EBF1: variants seen among roughly 807,000 people sequenced by gnomAD.
The protein encoded by EBF1 is EBF transcription factor 1.
In EBF1, 10 loss-of-function variants were observed where a neutral mutation model predicts 68.4. The observed-to-expected ratio is 0.15, with a 90% CI of 0.09 to 0.25. The LOEUF (loss-of-function observed/expected upper bound fraction) is 0.25, where lower values mean the gene tolerates loss of function less well. EBF1 is among the 10% of genes least tolerant of loss of function. The pLI is 1.00. For missense variants in EBF1, 509 were observed against 794.4 expected, an observed-to-expected ratio of 0.64 and a Z score of 4.32; for synonymous variants, 298 against 299.8, an observed-to-expected ratio of 0.99 and a Z score of 0.06.
At chr5:158,989,122 C>T (rs1426366765) in intron 6 of EBF1, among the ~76,000 whole-genome samples, 2 of 152,218 alleles carry the variant, frequency 1.3e-5, no homozygotes, top group African/African-American at 4.8e-5. Context: ...TGATACCCAG[C>T]AAATCCTCCC....
At chr5:159,073,542 T>C in intron 5 of EBF1, 78 bp from the exon 6 acceptor site, 1 of 1,504,842 alleles carries the variant, frequency 6.6e-7, no homozygotes, top group Non-Finnish European at 9.2e-7. Context: ...AAGGCTCAAA[T>C]TGCTGGGTTG....
At chr5:158,891,352 A>C (rs1801139915) in intron 6 of EBF1, among the ~76,000 whole-genome samples, 2 of 152,202 alleles carry the variant, frequency 1.3e-5, no homozygotes. Context: ...CTGTAGGAAG[A>C]AGCTCATCCT....
At chr5:158,712,070 A>G (rs1759476046) in intron 14 of EBF1, 84 bp downstream of exon 14, 2 of 1,517,518 alleles carry the variant, frequency 1.3e-6, no homozygotes, top group Non-Finnish European at 1.8e-6. Flanking sequence ...CAGACCGAGA[A>G]GCCCTGCCCA....
intron 11 of EBF1, among the ~76,000 whole-genome samples, chr5:158,726,548 T>C (rs1191968116): frequency 2.0e-5 from 3 of 152,220 alleles, no homozygotes; most frequent in African/African-American, 7.2e-5. Context: ...TATTTTCAGC[T>C]CCATAAAGCA....
At position 159,097,098 on chromosome 5, in the gene EBF1, T is replaced by C. The variant is rs1584600019; in HGVS notation, c.167A>G (p.Lys56Arg). 1 of 1,614,002 alleles carries C rather than the reference T, an allele frequency of 6.2e-7. No individual in the cohort carries two copies. The highest frequency in any genetic ancestry group is 2.2e-5 in the East Asian group (1 of 44,882). Residue 56 changes from lysine to arginine, a missense_variant, in exon 2 of 16, where the codon AAG (lysine) becomes AGG (arginine). Physicochemically the swap from Lys to Arg is conservative, Grantham distance 26 (BLOSUM62 2). Coordinates refer to ENST00000313708, the MANE Select transcript of EBF1 (RefSeq NM_024007.5). Reference protein sequence around the residue: ...GVGLARAHFEKQPPSNLRKSN... With the variant: ...GVGLARAHFERQPPSNLRKSN... ...TTTCCGCAGATTGGAAGGCGGCTGC[T>C]TCTCAAAGTGAGCCCGGGCCAGACC...
At chr5:158,781,082 G>A (rs532254195) in intron 9 of EBF1, among the ~76,000 whole-genome samples, 2 of 152,216 alleles carry the variant, frequency 1.3e-5, no homozygotes, top group East Asian at 1.9e-4. Flanking sequence ...ATCATAAGAC[G>A]TAAGACTTGC....
chr5:158,784,664 T>C (rs1007288852), intron 9 of EBF1, among the ~76,000 whole-genome samples: 2 of 152,102 alleles, frequency 1.3e-5, no homozygotes, highest in African/African-American at 4.8e-5. Flanking sequence ...GACCTAATAT[T>C]TTAACCTTAA....
Position 158,939,890 on chromosome 5 carries a change from C to T in EBF1, c.555-99780G>A, listed in dbSNP as rs1028421476. On this transcript the variant is annotated intron_variant, in intron 6 of 15. Transcript: ENST00000313708. ...GCACAACTACCAAGCTAACAAACAC[C>T]ATGGATTATGAAGTCTGAATATTCC... Among the ~76,000 whole-genome samples the T allele has an allele frequency of 3.9e-5, 6 of 152,278 alleles. No individual in the cohort carries two copies. In the South Asian group the frequency reaches 1.2e-3, roughly 32 times the overall value.
At chr5:159,021,562 G>A (rs1022869683) in intron 6 of EBF1, among the ~76,000 whole-genome samples, 1 of 152,168 alleles carries the variant, frequency 6.6e-6, no homozygotes, top group Non-Finnish European at 1.5e-5. Context: ...AGGCAATCCC[G>A]TGTGTGAGCA....
intron 6 of EBF1, among the ~76,000 whole-genome samples, chr5:159,032,311 G>A (rs1769088556): frequency 6.6e-6 from 1 of 152,122 alleles, no homozygotes; most frequent in African/African-American, 2.4e-5. Flanking sequence ...AATTTTTCCA[G>A]GTACAAGTGG....
intron 6 of EBF1, among the ~76,000 whole-genome samples, chr5:158,905,738 C>T (rs1022129810): frequency 3.9e-5 from 6 of 152,094 alleles, no homozygotes; most frequent in Non-Finnish European, 7.4e-5. Flanking sequence ...TATGCATCAC[C>T]GAAGCTGGGG....
intron 6 of EBF1, among the ~76,000 whole-genome samples, chr5:159,027,937 A>T (rs1214728174): frequency 6.6e-6 from 1 of 152,216 alleles, no homozygotes; most frequent in African/African-American, 2.4e-5. Context: ...TCTCTTCTGG[A>T]AAAATGAACT....
At chr5:158,940,849 T>C (rs1194177764) in intron 6 of EBF1, among the ~76,000 whole-genome samples, 1 of 142,226 alleles carries the variant, frequency 7.0e-6, no homozygotes, top group Non-Finnish European at 1.5e-5. Flanking sequence ...TGGTGGACTA[T>C]CTCTGGAATA....
At chr5:158,994,415 C>T (rs1442629789) in intron 6 of EBF1, among the ~76,000 whole-genome samples, 1 of 152,204 alleles carries the variant, frequency 6.6e-6, no homozygotes, top group African/African-American at 2.4e-5. Context: ...TTTCAACTTA[C>T]AAAATCCACT....
intron 11 of EBF1, among the ~76,000 whole-genome samples, chr5:158,728,261 C>A (rs1236795877): frequency 6.6e-6 from 1 of 152,200 alleles, no homozygotes; most frequent in African/African-American, 2.4e-5. Context: ...CTCCGGCCAG[C>A]CCTTGCACGA....
At chr5:158,982,223 A>G (rs1010518240) in intron 6 of EBF1, among the ~76,000 whole-genome samples, 1 of 152,268 alleles carries the variant, frequency 6.6e-6, no homozygotes, top group African/African-American at 2.4e-5. Flanking sequence ...GCCCTGAGAC[A>G]ATGAGCTAAT....
intron 6 of EBF1, among the ~76,000 whole-genome samples, chr5:159,062,438 C>G (rs1463572882): frequency 6.9e-6 from 1 of 144,080 alleles, no homozygotes; most frequent in Non-Finnish European, 1.5e-5. Context: ...CTTTCAGAGT[C>G]AACCAGGCAC....
chr5:158,898,152 A>G (rs1404289825), intron 6 of EBF1, among the ~76,000 whole-genome samples: 3 of 152,210 alleles, frequency 2.0e-5, no homozygotes, highest in Non-Finnish European at 2.9e-5. Flanking sequence ...AAATATCAAA[A>G]GCAGCACTGT....
chr5:158,720,833 G>T (rs1165268168), intron 11 of EBF1, among the ~76,000 whole-genome samples: 1 of 152,172 alleles, frequency 6.6e-6, no homozygotes, highest in Non-Finnish European at 1.5e-5. Flanking sequence ...GTAGTTATTT[G>T]CAGGGAGGCA....
Sources: gnomAD v4.1 joint callset for allele counts (sites outside exome capture counted in the v4.1 genomes callset) on GRCh38, gnomAD v4.1.1 for gene constraint, MANE v1.5 for transcripts, NCBI Gene and HGNC (gene_info 2026-07-23, HGNC 2026-07-21) for gene names.